The following FXR1 variants were observed in gnomAD, a reference collection of about 807,000 sequenced individuals.
FXR1 encodes the protein FMR1 autosomal homolog 1.
Under a neutral mutation model 84.0 loss-of-function variants are expected in FXR1, and 15 were observed. That is an observed-to-expected ratio of 0.18 (90% CI 0.12 to 0.27). The LOEUF is 0.27. Among genes scored for constraint, FXR1 ranks in the 10% least tolerant of loss-of-function variants. FXR1 has a pLI of 1.00. For synonymous variants in FXR1, 245 were observed against 250.7 expected (o/e 0.98, Z 0.21); for missense variants, 480 against 774.4 (o/e 0.62, Z 4.51).
chr3:180,924,531 C>CT (rs1718946423), intron 1 of FXR1, among the ~76,000 whole-genome samples: 1 of 152,130 alleles, frequency 6.6e-6, no homozygotes, highest in Non-Finnish European at 1.5e-5. Flanking sequence ...TGACTGTGGA[C>CT]GTGTTGATTT....
At chr3:180,913,524 G>A (rs1262668821) in intron 1 of FXR1, among the ~76,000 whole-genome samples, 3 of 152,034 alleles carry the variant, frequency 2.0e-5, no homozygotes, top group Non-Finnish European at 4.4e-5. Flanking sequence ...GTTTTGTTTT[G>A]TTTTTTCTCC....
chr3:180,945,841 ATCT>A (rs1285709325), intron 3 of FXR1, among the ~76,000 whole-genome samples: 13 of 152,248 alleles, frequency 8.5e-5, no homozygotes, highest in Admixed American at 1.3e-4. Flanking sequence ...AATACACATC[ATCT>A]TTCCCTCTTC....
chr3:180,943,634 A>G (rs1348170050), intron 3 of FXR1, among the ~76,000 whole-genome samples: 1 of 152,138 alleles, frequency 6.6e-6, no homozygotes, highest in Admixed American at 6.5e-5. Flanking sequence ...TTGGTCTTTC[A>G]GGGGTGAAGT....
intron 3 of FXR1, among the ~76,000 whole-genome samples, chr3:180,942,299 A>AC (rs1382594884): frequency 7.2e-6 from 1 of 139,714 alleles, no homozygotes; most frequent in East Asian, 2.3e-4. Context: ...AATGGCGTGA[A>AC]CCCCGGAGGT....
intron 15 of FXR1, 30 bp downstream of exon 15, chr3:180,970,388 ATAT>A (rs1713392230): frequency 4.5e-5 from 6 of 134,196 alleles, no homozygotes; most frequent in African/African-American, 2.0e-4. Flanking sequence ...AGAGAAATAT[ATAT>A]ATATATATAT....
rs1713339386 is a variant in FXR1, at chr3:180,970,087, T to TC, written c.1403-70dup. ...GAAGTTTATTTGTCATTGATATAGT[T>TC]CAATATAGATCAAACATTCATAATT... On this transcript the variant is annotated intron_variant, in intron 14 of 16. Coordinates refer to ENST00000357559, the MANE Select transcript of FXR1 (RefSeq NM_005087.4). 6 of 809,104 alleles carry TC rather than the reference T, an allele frequency of 7.4e-6. No homozygotes were observed. The Middle Eastern group carries it at 1.4e-3, about 185-fold the overall frequency. The allele number at this position is 809,104 out of a possible 1,614,324, so 50.1% of individuals were successfully genotyped here. A position where few individuals can be genotyped will look rare whatever the true frequency, so the allele number is the denominator to read the frequency against.
At chr3:180,913,382 C>T (rs1382239282) in intron 1 of FXR1, among the ~76,000 whole-genome samples, 2 of 152,038 alleles carry the variant, frequency 1.3e-5, no homozygotes, top group African/African-American at 2.4e-5. Flanking sequence ...GCGCCTTAGC[C>T]CCTCTATTAC....
intron 3 of FXR1, among the ~76,000 whole-genome samples, chr3:180,940,765 G>A (rs932620719): frequency 8.6e-5 from 13 of 151,894 alleles, no homozygotes; most frequent in Non-Finnish European, 2.9e-5. Flanking sequence ...TGGTAGAGAC[G>A]GGTTTTCTCC....
At chr3:180,975,517 C>G (rs1195016531) in intron 16 of FXR1, 113 bp downstream of exon 16, 1 of 485,758 alleles carries the variant, frequency 2.1e-6, no homozygotes, top group Non-Finnish European at 3.7e-6. Context: ...ATAGACAATA[C>G]TATTTTAGTT....
chr3:180,959,384 G>T (rs973982291), intron 10 of FXR1, among the ~76,000 whole-genome samples: 1 of 150,536 alleles, frequency 6.6e-6, no homozygotes. Flanking sequence ...ATTATCCTTA[G>T]AACAGAAACT....
intron 1 of FXR1, among the ~76,000 whole-genome samples, chr3:180,926,254 A>G (rs1186052386): frequency 6.6e-6 from 1 of 152,050 alleles, no homozygotes; most frequent in Non-Finnish European, 1.5e-5. Flanking sequence ...TGGAGTGACA[A>G]ACTATGTAAG....
At chr3:180,965,968 T>C (rs1296724494) in intron 13 of FXR1, among the ~76,000 whole-genome samples, 3 of 152,144 alleles carry the variant, frequency 2.0e-5, no homozygotes, top group Non-Finnish European at 4.4e-5. Flanking sequence ...TACTTCAATA[T>C]GAACTTTTGA....
At chr3:180,939,007 T>C (rs1325599161) in intron 3 of FXR1, among the ~76,000 whole-genome samples, 2 of 152,038 alleles carry the variant, frequency 1.3e-5, no homozygotes, top group Non-Finnish European at 1.5e-5. Flanking sequence ...GTGATTGTCG[T>C]GCCTTGGCCT....
At chr3:180,942,332 T>G (rs1018008764) in intron 3 of FXR1, among the ~76,000 whole-genome samples, 19 of 128,180 alleles carry the variant, frequency 1.5e-4, no homozygotes, top group African/African-American at 5.5e-4. Context: ...GAGCTGAGAT[T>G]GCGCCACTGC....
intron 1 of FXR1, among the ~76,000 whole-genome samples, chr3:180,931,739 G>GTTTTTT (rs5854881): frequency 3.9e-5 from 4 of 101,430 alleles, no homozygotes; most frequent in Admixed American, 1.2e-4. Flanking sequence ...GTTGTTGTGG[G>GTTTTTT]TTTTTTTTTT....
At chr3:180,959,969 T>C (rs772562432) in intron 10 of FXR1, among the ~76,000 whole-genome samples, 39 of 152,190 alleles carry the variant, frequency 2.6e-4, no homozygotes, top group Non-Finnish European at 4.9e-4. Context: ...AAAAAATCCC[T>C]AAACCATTCT....
chr3:180,976,460 T>C lies in FXR1; in HGVS notation c.*168T>C. On this transcript the variant is annotated 3_prime_UTR_variant, in exon 17 of 17. Coordinates refer to ENST00000357559, the MANE Select transcript of FXR1 (RefSeq NM_005087.4). ...TCCTGAAGAAATCATATGTTAAACATACTTTGACACCTACTGTGTTATAAA... is the reference window on the plus strand; with the variant it reads ...TCCTGAAGAAATCATATGTTAAACACACTTTGACACCTACTGTGTTATAAA... The C allele has an allele frequency of 2.0e-6, 1 of 504,746 alleles. No homozygotes were observed. Among genetic ancestry groups the C allele is most frequent in the Non-Finnish European group, 3.6e-6 (1 of 281,490 alleles). 31.3% of individuals were successfully genotyped at this position (504,746 alleles called of 1,614,324 possible).
At chr3:180,928,125 A>ATTT (rs11425748) in intron 1 of FXR1, among the ~76,000 whole-genome samples, 21 of 141,728 alleles carry the variant, frequency 1.5e-4, no homozygotes, top group African/African-American at 5.2e-4. Flanking sequence ...TTATCTATTG[A>ATTT]TTTTTTTTTT....
At chr3:180,968,598 C>G (rs1247662747) in intron 14 of FXR1, among the ~76,000 whole-genome samples, 2 of 151,898 alleles carry the variant, frequency 1.3e-5, no homozygotes, top group Non-Finnish European at 1.5e-5. Context: ...CCAGACAGAC[C>G]CAGAGATTTC....
Sources: allele counts gnomAD v4.1 joint callset (sites outside exome capture counted in the v4.1 genomes callset), GRCh38; gene constraint gnomAD v4.1.1; transcripts MANE v1.5; gene names NCBI Gene and HGNC (gene_info 2026-07-23, HGNC 2026-07-21).